The following F5 variants were observed in gnomAD, a reference collection of about 807,000 sequenced individuals.
The protein encoded by F5 is activated protein c cofactor.
F5 carries 138 observed loss-of-function variants against 216.4 expected under a neutral mutation model. The ratio of observed to expected loss-of-function variants is 0.64; its 90% CI spans 0.56 to 0.73. The LOEUF (loss-of-function observed/expected upper bound fraction) is 0.73. Ranked by LOEUF, F5 falls within the 30% of genes least tolerant of loss-of-function variation. F5 has a pLI of 0.00. For synonymous variants in F5, 916 were observed against 930.7 expected (o/e 0.98, Z 0.29); for missense variants, 2,403 against 2,674.0 (o/e 0.90, Z 2.24).
chr1:169,544,288 T>A lies in F5; in HGVS notation c.1975+8A>T. Reference sequence around the variant, plus strand: ...GCTTCCTCTGTGAGTGTCCAGACTCTTACTCACCAACATTATCCATTGTGA... The same window carrying A: ...GCTTCCTCTGTGAGTGTCCAGACTCATACTCACCAACATTATCCATTGTGA... On this transcript the variant is annotated splice_region_variant and intron_variant, in intron 12 of 24. Coordinates refer to ENST00000367797, the MANE Select transcript of F5 (RefSeq NM_000130.5). 2 of 1,612,312 alleles carry A rather than the reference T, an allele frequency of 1.2e-6. No individual in the cohort carries two copies. Among genetic ancestry groups the A allele is most frequent in the Middle Eastern group, 1.7e-4 (1 of 6,048 alleles).
chr1:169,537,838 T>A (rs10800453), intron 13 of F5, among the ~76,000 whole-genome samples: 38,130 of 151,970 alleles, frequency 0.25, 4,941 homozygotes, highest in Admixed American at 0.34. Context: ...AATGTTGGCA[T>A]GGATGTGAAG....
chr1:169,528,989 C>T (rs1659528077), intron 16 of F5, among the ~76,000 whole-genome samples: 1 of 152,176 alleles, frequency 6.6e-6, no homozygotes, highest in African/African-American at 2.4e-5. Flanking sequence ...TCGTACCTTT[C>T]TCTTCTCAGT....
intron 21 of F5, among the ~76,000 whole-genome samples, chr1:169,522,383 T>C (rs1281677522): frequency 1.3e-5 from 2 of 152,156 alleles, no homozygotes; most frequent in African/African-American, 4.8e-5. Context: ...AATAAAACTA[T>C]ATACCAATAT....
intron 19 of F5, 39 bp downstream of exon 19, chr1:169,524,798 T>C (rs1441075221): frequency 9.2e-6 from 14 of 1,520,968 alleles, no homozygotes; most frequent in Non-Finnish European, 1.3e-5. Flanking sequence ...TGCACAACTG[T>C]AGGGGGTACC....
intron 2 of F5, among the ~76,000 whole-genome samples, chr1:169,578,509 C>A (rs1660913657): frequency 6.6e-6 from 1 of 152,340 alleles, no homozygotes; most frequent in East Asian, 1.9e-4. Context: ...CAATGTCTCA[C>A]ACAGCAAAGG....
In F5 at chr1:169,514,177, A is replaced by C; in HGVS notation, c.*136T>G. The stretch of plus-strand genomic sequence containing the variant: ...TACATTATAAAAGCTTCTTGTATAA[A>C]ATTTTATTCACTAATAGAAAAGAAA... On this transcript the variant is annotated 3_prime_UTR_variant, in exon 25 of 25. Coordinates refer to ENST00000367797, the MANE Select transcript of F5 (RefSeq NM_000130.5). 1 of 886,494 alleles carries C rather than the reference A, an allele frequency of 1.1e-6. No individual in the cohort carries two copies. The highest frequency in any genetic ancestry group is 1.5e-5 in the South Asian group (1 of 64,606). The allele number at this position is 886,494 out of a possible 1,614,324, so 54.9% of individuals were successfully genotyped here.
intron 10 of F5, 26 bp from the exon 11 acceptor site, chr1:169,546,618 G>T (rs759407866): frequency 3.1e-6 from 5 of 1,608,970 alleles, no homozygotes; most frequent in Admixed American, 1.7e-5. Context: ...GTATAGTACT[G>T]GTACAAGAAC....
Position 169,514,409 on chromosome 1 carries a change from G to A in F5, c.6579C>T (p.Asn2193=). Residue 2193 remains asparagine (N), a synonymous_variant, in exon 25 of 25, where the codon AAC becomes AAT. Coordinates refer to ENST00000367797, the MANE Select transcript of F5 (RefSeq NM_000130.5). Reference sequence around the variant, plus strand: ...GGATAAACCTGGAAATGATTGGGGGGTTGAAAAAGTTCTTCACATGTCCTT... The same window carrying A: ...GGATAAACCTGGAAATGATTGGGGGATTGAAAAAGTTCTTCACATGTCCTT... The part of the protein sequence containing the change: ...NTKGHVKNFF[N]PPIISRFIRV... 1 of 1,613,206 alleles carries A rather than the reference G, an allele frequency of 6.2e-7. No individual in the cohort carries two copies. Among genetic ancestry groups the A allele is most frequent in the Non-Finnish European group, 8.5e-7 (1 of 1,179,486 alleles).
At chr1:169,560,872 TG>T (rs1660466519) in intron 3 of F5, 106 bp from the exon 4 acceptor site, 3 of 905,100 alleles carry the variant, frequency 3.3e-6, no homozygotes, top group Admixed American at 3.8e-5. Flanking sequence ...GAGATGCATA[TG>T]TCCTTCAATA....
intron 12 of F5, 149 bp from the exon 13 acceptor site, chr1:169,543,263 T>C: frequency 4.3e-6 from 3 of 692,194 alleles, no homozygotes; most frequent in African/African-American, 1.8e-5. Flanking sequence ...CTGTGACCTA[T>C]TGATTACTGG....
chr1:169,523,938 A>G, intron 19 of F5, 34 bp from the exon 20 acceptor site: 1 of 1,572,872 alleles, frequency 6.4e-7, no homozygotes, highest in Middle Eastern at 1.7e-4. Context: ...TTTATTCTGA[A>G]TTTTTTAAAA....
In F5 at chr1:169,549,791, G is replaced by A. The variant is rs781392809; in HGVS notation, c.1611+10C>T. ...AGAATTTCTGAAAGGTTACTTCAAGGACAAAATACCTGTATTCCTCGCCTG... is the reference window on the plus strand; with the variant it reads ...AGAATTTCTGAAAGGTTACTTCAAGAACAAAATACCTGTATTCCTCGCCTG... On this transcript the variant is annotated intron_variant, in intron 10 of 24. Coordinates refer to ENST00000367797, the MANE Select transcript of F5 (RefSeq NM_000130.5). 1.9e-6 allele frequency: 3 copies of A among 1,605,318 alleles called. No homozygotes were observed. Among genetic ancestry groups the A allele is most frequent in the African/African-American group, 1.3e-5 (1 of 74,700 alleles).
intron 13 of F5, among the ~76,000 whole-genome samples, chr1:169,538,820 A>C (rs1339120226): frequency 2.6e-5 from 4 of 152,122 alleles, no homozygotes; most frequent in African/African-American, 9.7e-5. Context: ...TGTGACTATA[A>C]AGGGGTAATG....
intron 21 of F5, among the ~76,000 whole-genome samples, chr1:169,522,948 G>T (rs1246531115): frequency 6.6e-6 from 1 of 152,150 alleles, no homozygotes; most frequent in Non-Finnish European, 1.5e-5. Context: ...TGGGTATTTT[G>T]TTTGATGATA....
In F5 at chr1:169,544,250, A is replaced by C. The variant is rs372013418; in HGVS notation, c.1975+46T>G. Reference sequence around the variant, plus strand: ...GTTGCAGCAGACCTTTATAGACCAGAAATTCAAAGCAAGCTTCCTCTGTGA... The same window carrying C: ...GTTGCAGCAGACCTTTATAGACCAGCAATTCAAAGCAAGCTTCCTCTGTGA... On this transcript the variant is annotated intron_variant, in intron 12 of 24. Coordinates refer to ENST00000367797, the MANE Select transcript of F5 (RefSeq NM_000130.5). 86 of 1,564,812 alleles carry C rather than the reference A, an allele frequency of 5.5e-5. No homozygotes were observed. The African/African-American group carries it at 1.1e-3, about 20-fold the overall frequency.
At chr1:169,580,805 C>T (rs1660970260) in intron 2 of F5, among the ~76,000 whole-genome samples, 1 of 152,042 alleles carries the variant, frequency 6.6e-6, no homozygotes, top group East Asian at 1.9e-4. Context: ...ATCCATAATA[C>T]TATGATATAT....
Position 169,582,202 on chromosome 1 carries a change from G to A in F5, c.250+229C>T, listed in dbSNP as rs9332498. ...GGGCCCCATGCCCCAAAGGGCCCCT[G>A]GCTTGGTTTAATGCTTTGCAGTCAC... On this transcript the variant is annotated intron_variant, in intron 2 of 24. Coordinates refer to ENST00000367797, the MANE Select transcript of F5 (RefSeq NM_000130.5). 0.03 allele frequency among the ~76,000 whole-genome samples: 4,571 copies of A among 152,226 alleles called. 224 individuals are homozygous for A. The highest frequency in any genetic ancestry group is 0.1 in the African/African-American group (4,209 of 41,520).
Position 169,542,387 on chromosome 1 carries a change from A to C in F5, c.2703T>G (p.Pro901=). ...GGTCCTCCCAGGGCCTCATTCCGGAAGGAGAACCAGTGTCTTGGCTTAGGT... is the reference window on the plus strand; with the variant it reads ...GGTCCTCCCAGGGCCTCATTCCGGACGGAGAACCAGTGTCTTGGCTTAGGT... ...GRHLSQDTGS[P]SGMRPWEDLP... is the part of the protein sequence containing the mutation. Residue 901 remains proline (P), a synonymous_variant, in exon 13 of 25, where the codon CCT becomes CCG. Transcript: ENST00000367797. 6.2e-7 allele frequency: 1 copy of C among 1,614,072 alleles called. No individual in the cohort carries two copies. The highest frequency in any genetic ancestry group is 8.5e-7 in the Non-Finnish European group (1 of 1,179,964).
chr1:169,545,722 C>G (rs948686204), intron 11 of F5, among the ~76,000 whole-genome samples: 1 of 152,168 alleles, frequency 6.6e-6, no homozygotes, highest in African/African-American at 2.4e-5. Flanking sequence ...ACAGAACATG[C>G]AGAAATCATC....
Sources: allele counts gnomAD v4.1 joint callset (sites outside exome capture counted in the v4.1 genomes callset), GRCh38; gene constraint gnomAD v4.1.1; transcripts MANE v1.5; gene names NCBI Gene and HGNC (gene_info 2026-07-23, HGNC 2026-07-21).